VNN1: variants seen among roughly 807,000 people sequenced by gnomAD.
VNN1 encodes vanin 1.
In VNN1, 29 loss-of-function variants were observed where a neutral mutation model predicts 41.9. The observed-to-expected ratio is 0.69, with a 90% confidence interval of 0.52 to 0.94. The LOEUF (loss-of-function observed/expected upper bound fraction) is 0.94. VNN1 is among the 40% of genes least tolerant of loss of function. The probability of loss-of-function intolerance (pLI) is 0.00; values close to 1 mark genes in which losing one functional copy is unlikely to be tolerated. For missense variants in VNN1, 637 were observed against 621.1 expected (o/e 1.03, Z -0.27); for synonymous variants, 233 against 224.4 (o/e 1.04, Z -0.34).
chr6:132,706,333 G>T (rs1009866805), intron 2 of VNN1, among the ~76,000 whole-genome samples: 3 of 151,948 alleles, frequency 2.0e-5, no homozygotes, highest in Non-Finnish European at 2.9e-5. Context: ...ACAGAAGAGA[G>T]AACCCAGAAA....
At chr6:132,693,890 T>A (rs1036011262) in intron 3 of VNN1, 100 bp downstream of exon 3, 90 of 1,401,914 alleles carry the variant, frequency 6.4e-5, no homozygotes, top group Non-Finnish European at 8.7e-5. Flanking sequence ...CCTACTCGAT[T>A]TCTAAAGTGT....
intron 1 of VNN1, among the ~76,000 whole-genome samples, chr6:132,713,070 G>C (rs1039581773): frequency 1.3e-5 from 2 of 152,178 alleles, no homozygotes; most frequent in Admixed American, 1.3e-4. Flanking sequence ...GGGAAGTCAA[G>C]GCTGCAGTGA....
Position 132,682,878 on chromosome 6 carries a change from C to T in VNN1, c.*262G>A, listed in dbSNP as rs542339425. 2.5e-4 allele frequency: 58 copies of T among 228,186 alleles called. No homozygotes were observed. Among genetic ancestry groups the T allele is most frequent in the African/African-American group, 1.1e-3 (48 of 44,420 alleles). The allele number at this position is 228,186 out of a possible 1,614,324, so 14.1% of individuals were successfully genotyped here. ...CTACCCGTAGTTTTTATTTCTTCTGCGTAAAAGATTTGTGATACTTATTTG... is the reference window on the plus strand; with the variant it reads ...CTACCCGTAGTTTTTATTTCTTCTGTGTAAAAGATTTGTGATACTTATTTG... On this transcript the variant is annotated 3_prime_UTR_variant, in exon 7 of 7. Transcript: ENST00000367928.
intron 2 of VNN1, among the ~76,000 whole-genome samples, chr6:132,700,618 C>G (rs533995702): frequency 6.6e-6 from 1 of 152,142 alleles, no homozygotes; most frequent in African/African-American, 2.4e-5. Flanking sequence ...CCAAGAAGGG[C>G]ACCCTGGGGA....
chr6:132,703,111 C>G (rs1051491668), intron 2 of VNN1, among the ~76,000 whole-genome samples: 1 of 152,156 alleles, frequency 6.6e-6, no homozygotes, highest in Admixed American at 6.5e-5. Context: ...TTTCTAGACC[C>G]ACCCTGAGCC....
At chr6:132,685,978 C>T (rs989063633) in intron 5 of VNN1, among the ~76,000 whole-genome samples, 1 of 152,138 alleles carries the variant, frequency 6.6e-6, no homozygotes, top group African/African-American at 2.4e-5. Flanking sequence ...GGCCATTTTC[C>T]TCACTTGGAT....
intron 2 of VNN1, among the ~76,000 whole-genome samples, chr6:132,700,448 C>T (rs1359361526): frequency 2.0e-5 from 3 of 152,202 alleles, no homozygotes; most frequent in Non-Finnish European, 4.4e-5. Flanking sequence ...CACCACTACC[C>T]CTGGCCTGTG....
At chr6:132,704,314 A>C (rs1778489239) in intron 2 of VNN1, among the ~76,000 whole-genome samples, 1 of 152,144 alleles carries the variant, frequency 6.6e-6, no homozygotes, top group Non-Finnish European at 1.5e-5. Flanking sequence ...GTTAGGTCAC[A>C]AAACAAATCT....
At chr6:132,697,827 A>C (rs779204080) in intron 2 of VNN1, among the ~76,000 whole-genome samples, 1 of 152,158 alleles carries the variant, frequency 6.6e-6, no homozygotes, top group South Asian at 2.1e-4. Context: ...AGTTTAACCC[A>C]CCTTTGCTTC....
At position 132,692,576 on chromosome 6, in the gene VNN1, T is replaced by C. The variant is rs765838534; in HGVS notation, c.835A>G (p.Ile279Val). The C allele has an allele frequency of 6.4e-7, 1 of 1,568,306 alleles. No individual in the cohort carries two copies. The highest frequency in any genetic ancestry group is 1.2e-5 in the South Asian group (1 of 85,686). ...GCTCTTGAAGAATTGGGTGCATAGA[T>C]GCCACTTCCTGGAAGTAATAAGTTG... ...YPSKKMTGSGIYAPNSSRAFH... is the reference protein window; with the variant it reads ...YPSKKMTGSGVYAPNSSRAFH... The change falls in exon 5 of 7, where the codon ATC becomes GTC. Residue 279 changes from isoleucine to valine, a missense_variant. Ile to Val is a conservative substitution (Grantham distance 29). Transcript: ENST00000367928.
intron 2 of VNN1, 84 bp downstream of exon 2, chr6:132,711,625 T>C: frequency 6.9e-7 from 1 of 1,449,946 alleles, no homozygotes; most frequent in Middle Eastern, 2.1e-4. Flanking sequence ...TGATCATGGA[T>C]CTATGCAATG....
At chr6:132,696,666 GT>G (rs1778376513) in intron 2 of VNN1, among the ~76,000 whole-genome samples, 1 of 120,462 alleles carries the variant, frequency 8.3e-6, no homozygotes, top group African/African-American at 4.0e-5. Context: ...TATATTTAAA[GT>G]ACTGAAAGAA....
intron 2 of VNN1, 114 bp from the exon 3 acceptor site, chr6:132,694,296 T>A: frequency 9.7e-7 from 1 of 1,031,228 alleles, no homozygotes; most frequent in African/African-American, 1.6e-5. Flanking sequence ...AAGTAAATTC[T>A]AAATAACAAT....
Position 132,681,762 on chromosome 6 carries a change from A to G in VNN1, c.*1378T>C, listed in dbSNP as rs1393177248. The G allele has an allele frequency of 2.0e-5, 3 of 152,664 alleles. No individual in the cohort carries two copies. The highest frequency in any genetic ancestry group is 7.2e-5 in the African/African-American group (3 of 41,460). The allele number at this position is 152,664 out of a possible 1,614,324, so 9.5% of individuals were successfully genotyped here. A position where few individuals can be genotyped will look rare whatever the true frequency, so the allele number is the denominator to read the frequency against. On this transcript the variant is annotated 3_prime_UTR_variant, in exon 7 of 7. Transcript: ENST00000367928. ...TCTTGAAAAAAAGCAAATGTCAGTT[A>G]ATGTCACCCAAAAGAACAAGGGATT... is the stretch of plus-strand genomic sequence containing the variant.
In VNN1 at chr6:132,692,548, A is replaced by G. The variant is rs770335376; in HGVS notation, c.863T>C (p.Phe288Ser). Reference protein sequence around the residue: ...GIYAPNSSRAFHYDMKTEEGK... With the variant: ...GIYAPNSSRASHYDMKTEEGK... ...CTCTTCTGTCTTCATATCATAATGA[A>G]ATGCTCTTGAAGAATTGGGTGCATA... is the stretch of plus-strand genomic sequence containing the variant. The change falls in exon 5 of 7, where the codon TTT (phenylalanine) becomes TCT (serine). Residue 288 changes from phenylalanine (F) to serine (S), a missense_variant. Phe to Ser is a radical substitution (Grantham distance 155). Transcript: ENST00000367928. 1 of 1,601,336 alleles carries G rather than the reference A, an allele frequency of 6.2e-7. No individual in the cohort carries two copies. Among genetic ancestry groups the G allele is most frequent in the Non-Finnish European group, 8.5e-7 (1 of 1,177,714 alleles).
At chr6:132,684,043 T>C (rs1043964224) in intron 6 of VNN1, among the ~76,000 whole-genome samples, 3 of 152,134 alleles carry the variant, frequency 2.0e-5, no homozygotes, top group African/African-American at 7.2e-5. Context: ...CCAATGGCAC[T>C]GGTTCTGAAA....
At chr6:132,694,206 A>T (rs746971627) in intron 2 of VNN1, 24 bp from the exon 3 acceptor site, 1 of 1,543,232 alleles carries the variant, frequency 6.5e-7, no homozygotes, top group South Asian at 1.2e-5. Context: ...ATTGGAGGAA[A>T]AAAATCTTTG....
At chr6:132,713,757 G>A in intron 1 of VNN1, 69 bp downstream of exon 1, 2 of 1,526,882 alleles carry the variant, frequency 1.3e-6, no homozygotes, top group South Asian at 1.2e-5. Context: ...CCTGACAGTG[G>A]CCCTGTCTCC....
intron 2 of VNN1, among the ~76,000 whole-genome samples, chr6:132,707,025 G>C (rs531598787): frequency 6.6e-6 from 1 of 151,980 alleles, no homozygotes; most frequent in South Asian, 2.1e-4. Context: ...TCAGGAGTTT[G>C]AGATCAGCCT....
Sources: allele counts gnomAD v4.1 joint callset (sites outside exome capture counted in the v4.1 genomes callset), GRCh38; gene constraint gnomAD v4.1.1; transcripts MANE v1.5; gene names NCBI Gene and HGNC (gene_info 2026-07-23, HGNC 2026-07-21).